MAOA: variants seen among roughly 807,000 people sequenced by gnomAD.
MAOA encodes monoamine oxidase A.
Under a neutral mutation model 42.0 loss-of-function variants are expected in MAOA, and 6 were observed. The observed-to-expected ratio is 0.14, with a 90% CI of 0.08 to 0.28. The LOEUF (loss-of-function observed/expected upper bound fraction) is 0.28, where lower values mean the gene tolerates loss of function less well. MAOA is among the 10% of genes least tolerant of loss of function. The pLI, the probability that MAOA is intolerant of heterozygous loss-of-function variation, is 1.00. For missense variants in MAOA, 262 were observed against 422.3 expected, an observed-to-expected ratio of 0.62 and a Z score of 3.33; for synonymous variants, 140 against 154.0, an observed-to-expected ratio of 0.91 and a Z score of 0.67.
intron 1 of MAOA, among the ~76,000 whole-genome samples, chrX:43,658,635 ACACCTCTATTCCAGAGGC>A (rs1461138124): frequency 9.0e-6 from 1 of 111,723 alleles, no homozygotes; most frequent in Non-Finnish European, 1.9e-5. Context: ...ACAGTAGTTC[ACACCTCTATTCCAGAGGC>A]CAGCTTCAGT....
intron 1 of MAOA, among the ~76,000 whole-genome samples, chrX:43,678,604 A>G (rs1008919814): frequency 1.8e-5 from 2 of 111,455 alleles, no homozygotes; most frequent in Admixed American, 9.6e-5. Flanking sequence ...TTAAGATATC[A>G]TTTTTTTTCT....
At chrX:43,659,057 G>A (rs1407408543) in intron 1 of MAOA, among the ~76,000 whole-genome samples, 1 of 111,236 alleles carries the variant, frequency 9.0e-6, no homozygotes, top group Admixed American at 9.6e-5. Context: ...CCAATCCATA[G>A]CATCAGCAGT....
intron 1 of MAOA, among the ~76,000 whole-genome samples, chrX:43,658,508 T>C: frequency 8.9e-6 from 1 of 111,937 alleles, no homozygotes; most frequent in Non-Finnish European, 1.9e-5. Flanking sequence ...TCTTATTTCT[T>C]AGAGAGGATA....
intron 13 of MAOA, 82 bp from the exon 14 acceptor site, chrX:43,744,027 G>A: frequency 8.4e-7 from 1 of 1,193,091 alleles, no homozygotes; most frequent in Non-Finnish European, 1.1e-6. Context: ...TCACTCATGG[G>A]GCTCATCTGT....
intron 3 of MAOA, among the ~76,000 whole-genome samples, chrX:43,708,748 C>T (rs1272063045): frequency 1.9e-4 from 20 of 106,850 alleles, no homozygotes; most frequent in Admixed American, 1.3e-3. Context: ...CTGCAGCCTC[C>T]GCCTCCAGGG....
chrX:43,667,980 G>A (rs989451549), intron 1 of MAOA, among the ~76,000 whole-genome samples: 1 of 111,678 alleles, frequency 9.0e-6, no homozygotes, highest in Admixed American at 9.5e-5. Context: ...CTTGTATGTA[G>A]CTCTTGGAGC....
At chrX:43,713,325 G>T (rs986582305) in intron 5 of MAOA, among the ~76,000 whole-genome samples, 6 of 111,262 alleles carry the variant, frequency 5.4e-5, no homozygotes, top group African/African-American at 2.0e-4. Flanking sequence ...ACACACTGGA[G>T]CCTGTCAGGT....
At chrX:43,695,348 A>G (rs1377410520) in intron 3 of MAOA, among the ~76,000 whole-genome samples, 1 of 111,676 alleles carries the variant, frequency 9.0e-6, no homozygotes, top group Non-Finnish European at 1.9e-5. Flanking sequence ...GTACATTTTA[A>G]AAACTGGGAA....
chrX:43,712,077 A>G (rs2033704017), intron 4 of MAOA, 101 bp downstream of exon 4: 2 of 637,829 alleles, frequency 3.1e-6, no homozygotes, highest in Non-Finnish European at 5.2e-6. Context: ...CTGGACACCA[A>G]TGCATATCAT....
intron 5 of MAOA, among the ~76,000 whole-genome samples, chrX:43,718,236 C>G (rs753305189): frequency 9.5e-6 from 1 of 105,792 alleles, no homozygotes; most frequent in Non-Finnish European, 1.9e-5. Context: ...CAGGGGGAGA[C>G]AGGGTACATT....
chrX:43,688,373 T>C (rs889923858), intron 2 of MAOA, among the ~76,000 whole-genome samples: 1 of 111,840 alleles, frequency 8.9e-6, no homozygotes, highest in African/African-American at 3.3e-5. Flanking sequence ...CACTGTCTCC[T>C]GGGTTCCAGC....
At chrX:43,710,839 G>A (rs1446341152) in intron 3 of MAOA, among the ~76,000 whole-genome samples, 1 of 111,849 alleles carries the variant, frequency 8.9e-6, no homozygotes, top group Non-Finnish European at 1.9e-5. Flanking sequence ...ACCAACTCAG[G>A]CTAACAAGAG....
rs1321326284 is a variant in MAOA at position 43,745,213 on chromosome X, T to C, written c.*700T>C. ...CTTCTTATGGAGGAGAGTGTTTAAC[T>C]GAGTTAGAATGTTGAAACTGACTTG... On this transcript the variant is annotated 3_prime_UTR_variant, in exon 15 of 15. Transcript: ENST00000338702. The C allele has an allele frequency of 8.8e-6, 1 of 113,240 alleles. No homozygotes were observed. The highest frequency in any genetic ancestry group is 1.9e-5 in the Non-Finnish European group (1 of 53,950). The allele number at this position is 113,240 out of a possible 1,213,427, so 9.3% of individuals were successfully genotyped here. A position where few individuals can be genotyped will look rare whatever the true frequency, so the allele number is the denominator to read the frequency against.
At chrX:43,716,629 G>A (rs752295405) in intron 5 of MAOA, among the ~76,000 whole-genome samples, 8 of 110,916 alleles carry the variant, frequency 7.2e-5, no homozygotes, top group South Asian at 3.8e-4. Flanking sequence ...GGTGACAGTG[G>A]TGGGGGTGGG....
At chrX:43,664,609 G>T (rs1369775955) in intron 1 of MAOA, among the ~76,000 whole-genome samples, 1 of 111,926 alleles carries the variant, frequency 8.9e-6, no homozygotes, top group Non-Finnish European at 1.9e-5. Context: ...GACCTTTAAG[G>T]TGACCGTTTC....
chrX:43,729,705 T>G lies in MAOA; in HGVS notation c.645+1391T>G, dbSNP rs759546713. ...GTTGCCTAGCCTGGTCTCCAACTCC[T>G]GGGCTCAAGCAGTCCTTCCGCCTCA... On this transcript the variant is annotated intron_variant, in intron 6 of 14. Transcript: ENST00000338702. Among the ~76,000 whole-genome samples the G allele has an allele frequency of 2.7e-5, 3 of 111,628 alleles. No individual in the cohort carries two copies. The Admixed American group carries it at 2.9e-4, about 11-fold the overall frequency.
chrX:43,689,960 C>T (rs1402921181), intron 2 of MAOA, among the ~76,000 whole-genome samples: 1 of 110,384 alleles, frequency 9.1e-6, no homozygotes, highest in African/African-American at 3.3e-5. Context: ...AAGAGTCACT[C>T]GTAAGTCTAA....
intron 5 of MAOA, among the ~76,000 whole-genome samples, chrX:43,717,655 G>C (rs922886219): frequency 7.2e-5 from 8 of 111,222 alleles, no homozygotes; most frequent in African/African-American, 9.8e-5. Flanking sequence ...CCAGGATTGA[G>C]CCACACTGGT....
In MAOA at chrX:43,704,369, T is replaced by C. The variant is rs1039137761; in HGVS notation, c.307-7503T>C. Among the ~76,000 whole-genome samples the C allele has an allele frequency of 3.6e-5, 4 of 111,840 alleles. No individual in the cohort carries two copies. The South Asian group carries it at 1.5e-3, about 41-fold the overall frequency. ...ATAATGTAATGCACCACCATATTAA[T>C]AGGATGAAGGACCAATAGCACGTGA... On this transcript the variant is annotated intron_variant, in intron 3 of 14. Transcript: ENST00000338702.
Sources: allele counts gnomAD v4.1 joint callset (sites outside exome capture counted in the v4.1 genomes callset), GRCh38; gene constraint gnomAD v4.1.1; transcripts MANE v1.5; gene names NCBI Gene and HGNC (gene_info 2026-07-23, HGNC 2026-07-21).